PNLIP: variants seen among roughly 807,000 people sequenced by gnomAD.
PNLIP encodes the protein pancreatic lipase.
In PNLIP, 49 loss-of-function variants were observed where a neutral mutation model predicts 57.1. The ratio of observed to expected loss-of-function variants is 0.86; its 90% CI spans 0.68 to 1.09. The LOEUF is 1.09. Ranked by LOEUF, PNLIP falls within the 50% of genes least tolerant of loss-of-function variation. PNLIP has a pLI of 0.00. For synonymous variants in PNLIP, 209 were observed against 200.4 expected (o/e 1.04, Z -0.36); for missense variants, 503 against 570.2 (o/e 0.88, Z 1.20).
In PNLIP at chr10:116,561,484, A is replaced by C. The variant is rs1443184759; in HGVS notation, c.1182A>C (p.Lys394Asn). ...KQYEIFKGTLKPDSTHSNEFD... is the reference protein window; with the variant it reads ...KQYEIFKGTLNPDSTHSNEFD... ...CTTAAATCCTTAGGGGCACTCTCAAACCAGATAGTACTCATTCCAATGAAT... is the reference window on the plus strand; with the variant it reads ...CTTAAATCCTTAGGGGCACTCTCAACCCAGATAGTACTCATTCCAATGAAT... Residue 394 changes from lysine to asparagine, a missense_variant, in exon 12 of 13, where the codon AAA becomes AAC. Physicochemically the swap from Lys to Asn is moderately conservative, Grantham distance 94. Coordinates refer to ENST00000369221, the MANE Select transcript of PNLIP (RefSeq NM_000936.4). The C allele has an allele frequency of 2.5e-6, 4 of 1,611,782 alleles. No individual in the cohort carries two copies. The African/African-American group carries it at 5.3e-5, about 22-fold the overall frequency.
At chr10:116,558,728 G>A (rs1554860601) in intron 9 of PNLIP, among the ~76,000 whole-genome samples, 2 of 150,704 alleles carry the variant, frequency 1.3e-5, no homozygotes, top group Non-Finnish European at 3.0e-5. Context: ...GGATTCAAGC[G>A]ATTCTCCTGC....
chr10:116,553,166 C>T (rs947939387), intron 5 of PNLIP, among the ~76,000 whole-genome samples: 6 of 152,144 alleles, frequency 3.9e-5, no homozygotes, highest in African/African-American at 7.2e-5. Flanking sequence ...AGCGCAATGG[C>T]GCGATCTCGG....
chr10:116,551,711 C>T (rs1692785216), intron 5 of PNLIP, among the ~76,000 whole-genome samples: 1 of 152,344 alleles, frequency 6.6e-6, no homozygotes, highest in Middle Eastern at 3.4e-3. Flanking sequence ...CTCTGGATAA[C>T]AACTCTTCAT....
chr10:116,549,938 G>A (rs1175083019), intron 4 of PNLIP, among the ~76,000 whole-genome samples: 1 of 151,832 alleles, frequency 6.6e-6, no homozygotes, highest in South Asian at 2.1e-4. Context: ...GTCCAGTCCT[G>A]ACTCTCTCCT....
chr10:116,562,086 C>A (rs567904740), intron 12 of PNLIP, among the ~76,000 whole-genome samples: 3 of 152,284 alleles, frequency 2.0e-5, no homozygotes, highest in South Asian at 2.1e-4. Flanking sequence ...GGAGATAATT[C>A]TTGGTTTCAA....
At chr10:116,551,587 GT>G in intron 5 of PNLIP, among the ~76,000 whole-genome samples, 1 of 152,266 alleles carries the variant, frequency 6.6e-6, no homozygotes, top group East Asian at 1.9e-4. Context: ...GAGAAGCACG[GT>G]GATAACAAGC....
chr10:116,559,281 C>A lies in PNLIP; in HGVS notation c.1058C>A (p.Ala353Glu). 6.2e-7 allele frequency: 1 copy of A among 1,609,254 alleles called. No homozygotes were observed. The highest frequency in any genetic ancestry group is 1.1e-5 in the South Asian group (1 of 90,308). ...YLDTGDASNF[A>E]RWRYKVSVTL... ...GACACTGGTGATGCCAGTAATTTTG[C>A]ACGTAAGTTTCTGTTTTCTGTATCT... The change falls in exon 10 of 13, where the codon GCA (alanine) becomes GAA (glutamate). Residue 353 changes from alanine to glutamate, a missense_variant and splice_region_variant. By Grantham distance (107) the Ala-to-Glu change is moderately radical (BLOSUM62 -1). Coordinates refer to ENST00000369221, the MANE Select transcript of PNLIP (RefSeq NM_000936.4).
intron 6 of PNLIP, 115 bp downstream of exon 6, chr10:116,553,953 A>T: frequency 3.7e-6 from 2 of 537,908 alleles, no homozygotes; most frequent in South Asian, 2.8e-5. Context: ...TTAAAAAAAA[A>T]AAAAAGAAAA....
chr10:116,560,779 T>C (rs748867538), intron 11 of PNLIP, among the ~76,000 whole-genome samples: 2 of 152,094 alleles, frequency 1.3e-5, no homozygotes, highest in Non-Finnish European at 2.9e-5. Context: ...GGTTTCACCA[T>C]GTTGGCCAGG....
At chr10:116,556,162 A>C in intron 9 of PNLIP, 44 bp downstream of exon 9, 2 of 1,035,456 alleles carry the variant, frequency 1.9e-6, no homozygotes, top group Non-Finnish European at 3.1e-6. Context: ...TGTGACTGTC[A>C]CTTCTCATGA....
chr10:116,562,772 T>G (rs561450338), intron 12 of PNLIP, among the ~76,000 whole-genome samples: 2 of 152,316 alleles, frequency 1.3e-5, no homozygotes, highest in Non-Finnish European at 2.9e-5. Flanking sequence ...GGTGCTTGTT[T>G]CCACCAAGCA....
intron 5 of PNLIP, among the ~76,000 whole-genome samples, chr10:116,551,778 C>T (rs551693229): frequency 1.3e-5 from 2 of 152,152 alleles, no homozygotes. Flanking sequence ...CTACTTCCAC[C>T]AGATTAAAAG....
Position 116,545,933 on chromosome 10 carries a change from G to T in PNLIP, c.-26G>T, listed in dbSNP as rs553239473. On this transcript the variant is annotated 5_prime_UTR_variant, in exon 1 of 13. Transcript: ENST00000369221. ...GGAGTTTTTGTTGCTATCTGGTTGC[G>T]TGTGGAACCTGACGGAACTGCCACG... 625 of 589,956 alleles carry T rather than the reference G, an allele frequency of 1.1e-3. 3 individuals carry two copies. The highest frequency in any genetic ancestry group is 1.5e-3 in the Non-Finnish European group (504 of 326,762). 36.5% of individuals were successfully genotyped at this position (589,956 alleles called of 1,614,324 possible). A position where few individuals can be genotyped will look rare whatever the true frequency, so the allele number is the denominator to read the frequency against.
chr10:116,552,148 A>C (rs1440812469), intron 5 of PNLIP, among the ~76,000 whole-genome samples: 1 of 152,252 alleles, frequency 6.6e-6, no homozygotes, highest in Non-Finnish European at 1.5e-5. Flanking sequence ...AATTATGTAC[A>C]GTATGTAATA....
At chr10:116,553,329 T>A (rs1398996270) in intron 5 of PNLIP, among the ~76,000 whole-genome samples, 1 of 152,210 alleles carries the variant, frequency 6.6e-6, no homozygotes, top group African/African-American at 2.4e-5. Context: ...GGTCTTGAAC[T>A]CCTGACCTCA....
At chr10:116,551,830 C>T (rs1847197221) in intron 5 of PNLIP, among the ~76,000 whole-genome samples, 1 of 152,082 alleles carries the variant, frequency 6.6e-6, no homozygotes, top group African/African-American at 2.4e-5. Flanking sequence ...TTTTAAAAAA[C>T]ATGGAAGTCA....
chr10:116,565,271 A>AAAG (rs1847353788), intron 12 of PNLIP, among the ~76,000 whole-genome samples: 1 of 148,464 alleles, frequency 6.7e-6, no homozygotes, highest in Non-Finnish European at 1.5e-5. Flanking sequence ...AAAAAAAAAA[A>AAAG]GAGCTAAAAG....
At chr10:116,558,440 A>C (rs1847277963) in intron 9 of PNLIP, among the ~76,000 whole-genome samples, 1 of 151,464 alleles carries the variant, frequency 6.6e-6, no homozygotes, top group Non-Finnish European at 1.5e-5. Flanking sequence ...GTGATCCTCC[A>C]GCCTTGGCCT....
At chr10:116,549,629 G>A (rs1024594510) in intron 4 of PNLIP, among the ~76,000 whole-genome samples, 9 of 152,122 alleles carry the variant, frequency 5.9e-5, no homozygotes, top group South Asian at 2.1e-4. Context: ...TGTACACTCC[G>A]CAAGTTTAAA....
Sources: allele counts gnomAD v4.1 joint callset (sites outside exome capture counted in the v4.1 genomes callset), GRCh38; gene constraint gnomAD v4.1.1; transcripts MANE v1.5; gene names NCBI Gene and HGNC (gene_info 2026-07-23, HGNC 2026-07-21).